Variants in GNA14 observed in about 807,000 individuals in gnomAD.
GNA14 encodes the protein guanine nucleotide-binding protein subunit alpha-14.
Under a neutral mutation model 42.0 loss-of-function variants are expected in GNA14, and 50 were observed. The ratio of observed to expected loss-of-function variants is 1.19; its 90% CI spans 0.95 to 1.51. The LOEUF (loss-of-function observed/expected upper bound fraction) is 1.51. Among genes scored for constraint, GNA14 ranks in the 40% most tolerant of loss-of-function variants. The probability of loss-of-function intolerance (pLI) is 0.00; values close to 1 mark genes in which losing one functional copy is unlikely to be tolerated. For missense variants in GNA14, 473 were observed against 446.2 expected (o/e 1.06, Z -0.54); for synonymous variants, 173 against 163.1 (o/e 1.06, Z -0.46).
intron 1 of GNA14, among the ~76,000 whole-genome samples, chr9:77,547,637 A>G (rs1837735980): frequency 6.6e-6 from 1 of 152,096 alleles, no homozygotes; most frequent in South Asian, 2.1e-4. Flanking sequence ...TTTTGGATTT[A>G]TTATTTTTTT....
At chr9:77,477,496 G>A (rs956941727) in intron 2 of GNA14, among the ~76,000 whole-genome samples, 1 of 152,158 alleles carries the variant, frequency 6.6e-6, no homozygotes, top group African/African-American at 2.4e-5. Context: ...ACCTGCTCAG[G>A]AGAAAAAGCC....
At chr9:77,494,781 G>A (rs990312419) in intron 2 of GNA14, among the ~76,000 whole-genome samples, 20 of 34,784 alleles carry the variant, frequency 5.7e-4, no homozygotes, top group Non-Finnish European at 1.0e-3. Context: ...TTTTTGTTTT[G>A]TTTTGTTTTG....
At chr9:77,424,278 A>G (rs1187288083) in intron 6 of GNA14, 109 bp from the exon 7 acceptor site, 39 of 688,374 alleles carry the variant, frequency 5.7e-5, no homozygotes, top group Non-Finnish European at 8.4e-5. Flanking sequence ...GCTGGAGTGC[A>G]GTGGCACGGT....
intron 1 of GNA14, 119 bp downstream of exon 1, chr9:77,647,551 A>C: frequency 1.8e-6 from 2 of 1,141,530 alleles, no homozygotes; most frequent in Non-Finnish European, 2.4e-6. Context: ...GAGGGGGAGA[A>C]GGACGAAGCC....
chr9:77,528,964 G>A, intron 2 of GNA14, 105 bp downstream of exon 2: 1 of 949,812 alleles, frequency 1.1e-6, no homozygotes, highest in Non-Finnish European at 1.7e-6. Context: ...CAGGGAACAA[G>A]AGCTTCTTCT....
intron 2 of GNA14, among the ~76,000 whole-genome samples, chr9:77,503,840 G>C (rs559299134): frequency 9.4e-4 from 142 of 151,772 alleles, no homozygotes; most frequent in Admixed American, 8.1e-3. Flanking sequence ...CTAGAAACGG[G>C]GTTTCACCGT....
chr9:77,438,080 G>T (rs1237413884), intron 2 of GNA14, among the ~76,000 whole-genome samples: 1 of 152,176 alleles, frequency 6.6e-6, no homozygotes, highest in African/African-American at 2.4e-5. Flanking sequence ...ACCTCACCAG[G>T]AGAGGAAGAC....
chr9:77,609,226 T>C (rs1321271444), intron 1 of GNA14, among the ~76,000 whole-genome samples: 1 of 152,210 alleles, frequency 6.6e-6, no homozygotes, highest in African/African-American at 2.4e-5. Context: ...CAATGCAATC[T>C]AGTGCTCTGT....
intron 2 of GNA14, among the ~76,000 whole-genome samples, chr9:77,436,350 C>T (rs1013283743): frequency 1.3e-5 from 2 of 152,146 alleles, no homozygotes; most frequent in Non-Finnish European, 2.9e-5. Context: ...ATTTGTAAAA[C>T]GAGCCATGAT....
intron 2 of GNA14, among the ~76,000 whole-genome samples, chr9:77,519,382 G>A (rs1488229820): frequency 6.6e-6 from 1 of 152,040 alleles, no homozygotes; most frequent in Non-Finnish European, 1.5e-5. Flanking sequence ...CTACACTCCA[G>A]CCTGGGTGAC....
At chr9:77,525,922 A>C (rs1176070946) in intron 2 of GNA14, among the ~76,000 whole-genome samples, 17 of 146,002 alleles carry the variant, frequency 1.2e-4, no homozygotes, top group East Asian at 1.0e-3. Context: ...AAAAAAAAAA[A>C]AACGGAGTTT....
chr9:77,538,765 G>A (rs1006811875), intron 1 of GNA14, among the ~76,000 whole-genome samples: 1 of 151,956 alleles, frequency 6.6e-6, no homozygotes, highest in Non-Finnish European at 1.5e-5. Flanking sequence ...ACTAATTTTT[G>A]TATGTTGATT....
At chr9:77,452,810 G>C (rs923497681) in intron 2 of GNA14, among the ~76,000 whole-genome samples, 6 of 151,620 alleles carry the variant, frequency 4.0e-5, no homozygotes, top group Non-Finnish European at 8.8e-5. Context: ...TGAAGGTGGA[G>C]TCCTCATGAA....
At chr9:77,642,489 G>T (rs1412834702) in intron 1 of GNA14, among the ~76,000 whole-genome samples, 1 of 152,210 alleles carries the variant, frequency 6.6e-6, no homozygotes, top group Non-Finnish European at 1.5e-5. Flanking sequence ...ACACAGGCCA[G>T]GTACGGTGGC....
chr9:77,557,889 G>C (rs544448052), intron 1 of GNA14, among the ~76,000 whole-genome samples: 1 of 152,152 alleles, frequency 6.6e-6, no homozygotes, highest in Admixed American at 6.6e-5. Flanking sequence ...GCAGCCCTTA[G>C]GGATTATCTT....
At chr9:77,585,386 T>C (rs957728762) in intron 1 of GNA14, among the ~76,000 whole-genome samples, 7 of 152,210 alleles carry the variant, frequency 4.6e-5, no homozygotes, top group African/African-American at 1.7e-4. Flanking sequence ...TCTCCATTTG[T>C]AAGGGTGTCT....
intron 1 of GNA14, among the ~76,000 whole-genome samples, chr9:77,641,104 GGAAGGAAGGAAGGAA>G (rs1824258100): frequency 4.8e-4 from 1 of 2,078 alleles, no homozygotes; most frequent in Non-Finnish European, 1.1e-3. Context: ...GGGGGGGGAA[GGAAGGAAGGAAGGAA>G]GGAAGGAAGG....
chr9:77,593,915 C>G (rs751736099), intron 1 of GNA14, among the ~76,000 whole-genome samples: 1 of 152,312 alleles, frequency 6.6e-6, no homozygotes, highest in Non-Finnish European at 1.5e-5. Flanking sequence ...AGTGAGCACA[C>G]GAGAGTCTGA....
chr9:77,596,477 C>A (rs144190925), intron 1 of GNA14, among the ~76,000 whole-genome samples: 2 of 151,336 alleles, frequency 1.3e-5, no homozygotes, highest in African/African-American at 4.9e-5. Flanking sequence ...CTGTACCCTA[C>A]GCCTCCTCGC....
Sources: gnomAD v4.1 joint callset for allele counts (sites outside exome capture counted in the v4.1 genomes callset) on GRCh38, gnomAD v4.1.1 for gene constraint, MANE v1.5 for transcripts, NCBI Gene and HGNC (gene_info 2026-07-23, HGNC 2026-07-21) for gene names.